Variants in SEM1 observed in about 807,000 individuals in gnomAD.
SEM1 encodes the protein SEM1 26S proteasome subunit.
SEM1 carries 3 observed loss-of-function variants against 12.7 expected under a neutral mutation model. That is an observed-to-expected ratio of 0.24 (90% CI 0.11 to 0.61). SEM1 has a LOEUF of 0.61. SEM1 is among the 20% of genes least tolerant of loss of function. The pLI is 0.88. For synonymous variants in SEM1, 30 were observed against 27.8 expected (o/e 1.08, Z -0.25); for missense variants, 59 against 81.3 (o/e 0.73, Z 1.06).
At chr7:96,650,451 C>G in intron 2 of SEM1, 1 of 743,046 alleles carries the variant, frequency 1.3e-6, no homozygotes, top group East Asian at 2.5e-5. Context: ...CTTCATCTGA[C>G]TTGATGGTAC....
At chr7:96,693,395 T>C (rs934593913) in intron 2 of SEM1, among the ~76,000 whole-genome samples, 21 of 152,122 alleles carry the variant, frequency 1.4e-4, no homozygotes, top group Admixed American at 1.3e-3. Context: ...AAGAATGAGC[T>C]GAAGCCCTAT....
At chr7:96,616,563 T>C (rs1807728496) in intron 2 of SEM1, among the ~76,000 whole-genome samples, 1 of 152,156 alleles carries the variant, frequency 6.6e-6, no homozygotes, top group Non-Finnish European at 1.5e-5. Flanking sequence ...TTAAGTCCTG[T>C]TTGTCTATTT....
rs550248491 is a variant in SEM1, at chr7:96,622,889, T to A, written c.171-246A>T. 9 of 475,148 alleles carry A rather than the reference T, an allele frequency of 1.9e-5. No homozygotes were observed. The South Asian group carries it at 2.2e-4, about 12-fold the overall frequency. 29.4% of individuals were successfully genotyped at this position (475,148 alleles called of 1,614,324 possible). On this transcript the variant is annotated intron_variant, in intron 2 of 2. Coordinates refer to the SEM1 transcript ENST00000417009. ...TAGCCACAGTGAGCTCTGCATGGAA[T>A]ACAAATGCTTTGGGGTCAGTGCCAG...
At chr7:96,543,776 C>A (rs1252641605) in intron 2 of SEM1, among the ~76,000 whole-genome samples, 1 of 151,904 alleles carries the variant, frequency 6.6e-6, no homozygotes, top group African/African-American at 2.4e-5. Flanking sequence ...TGATTGGAAA[C>A]AGAATATAAT....
chr7:96,564,819 T>C (rs956521700), intron 2 of SEM1, among the ~76,000 whole-genome samples: 3 of 152,074 alleles, frequency 2.0e-5, no homozygotes, highest in Admixed American at 6.6e-5. Flanking sequence ...ACAGAAAATA[T>C]TGATAGAAAA....
chr7:96,642,303 A>G (rs1295331721), intron 2 of SEM1, among the ~76,000 whole-genome samples: 1 of 152,114 alleles, frequency 6.6e-6, no homozygotes, highest in Non-Finnish European at 1.5e-5. Context: ...TATTCTACCT[A>G]GAGTTTATAG....
At chr7:96,659,913 C>CAAAAAAAAAAAAAAAAAAAAAAAAAA (rs71529826) in intron 2 of SEM1, among the ~76,000 whole-genome samples, 4 of 66,724 alleles carry the variant, frequency 6.0e-5, no homozygotes, top group Non-Finnish European at 8.9e-5. Context: ...AGTAAGATGG[C>CAAAAAAAAAAAAAAAAAAAAAAAAAA]AAAAAAAAAA....
At chr7:96,599,339 A>C (rs1196931429) in intron 2 of SEM1, among the ~76,000 whole-genome samples, 1 of 152,294 alleles carries the variant, frequency 6.6e-6, no homozygotes, top group Non-Finnish European at 1.5e-5. Context: ...ACTAGTAAAA[A>C]CCAAACCAAA....
intron 2 of SEM1, among the ~76,000 whole-genome samples, chr7:96,555,446 T>G (rs2115873434): frequency 6.9e-6 from 1 of 144,730 alleles, no homozygotes; most frequent in South Asian, 2.4e-4. Flanking sequence ...TTTCGTTATG[T>G]ACCCAGTAGT....
At chr7:96,647,197 T>C (rs1387883715) in intron 2 of SEM1, among the ~76,000 whole-genome samples, 3 of 152,200 alleles carry the variant, frequency 2.0e-5, no homozygotes, top group African/African-American at 7.2e-5. Context: ...TAGCACTGCA[T>C]GCTCTCTTTA....
At chr7:96,655,476 G>A (rs979645742) in intron 2 of SEM1, among the ~76,000 whole-genome samples, 1 of 148,710 alleles carries the variant, frequency 6.7e-6, no homozygotes, top group Non-Finnish European at 1.5e-5. Flanking sequence ...TAGTAGAGAC[G>A]GGATTTTACC....
intron 2 of SEM1, among the ~76,000 whole-genome samples, chr7:96,624,293 T>C (rs1009334282): frequency 2.0e-5 from 3 of 152,200 alleles, no homozygotes; most frequent in African/African-American, 7.2e-5. Context: ...GTGGTAGATA[T>C]ATGGGAGTAC....
At chr7:96,486,545 T>C (rs946487636) in intron 1 of SEM1, 5 of 720,030 alleles carry the variant, frequency 6.9e-6, no homozygotes, top group African/African-American at 3.6e-5. Context: ...TTGAGTGAGG[T>C]GGGGAAACCA....
rs1802657774 is a variant in SEM1 at position 96,484,097 on chromosome 7, C to T, written c.258-109G>A. On this transcript the variant is annotated intron_variant, in intron 3 of 3. Transcript: ENST00000356686. ...AACCCTATAGGGTAGATCCAATCAT[C>T]CCCATTTTAGAGATGAGAAAACTGA... 2.8e-6 allele frequency: 3 copies of T among 1,061,676 alleles called. No individual in the cohort carries two copies. The South Asian group carries it at 5.4e-5, about 19-fold the overall frequency. 65.8% of individuals were successfully genotyped at this position (1,061,676 alleles called of 1,614,324 possible).
chr7:96,613,794 A>C (rs1194856821), intron 2 of SEM1, among the ~76,000 whole-genome samples: 1 of 152,214 alleles, frequency 6.6e-6, no homozygotes, highest in Non-Finnish European at 1.5e-5. Context: ...GATGTCATAC[A>C]CTATTTGTCT....
At chr7:96,601,595 A>T (rs1182886201) in intron 2 of SEM1, among the ~76,000 whole-genome samples, 2 of 152,148 alleles carry the variant, frequency 1.3e-5, no homozygotes, top group African/African-American at 4.8e-5. Context: ...GGTAGTAAAA[A>T]GTCAGGTGAG....
intron 2 of SEM1, among the ~76,000 whole-genome samples, chr7:96,638,410 T>C (rs1808494084): frequency 6.6e-6 from 1 of 152,044 alleles, no homozygotes. Flanking sequence ...TGATCTACCA[T>C]ATTTTTCTCT....
intron 3 of SEM1, among the ~76,000 whole-genome samples, chr7:96,502,715 C>A (rs1554407274): frequency 6.6e-6 from 1 of 152,156 alleles, no homozygotes; most frequent in Non-Finnish European, 1.5e-5. Context: ...AGAAAAATTT[C>A]TCTAGCCAAC....
intron 2 of SEM1, among the ~76,000 whole-genome samples, chr7:96,638,525 A>G (rs1487412163): frequency 1.3e-5 from 2 of 152,006 alleles, no homozygotes; most frequent in Non-Finnish European, 2.9e-5. Context: ...CAGTGAAGGG[A>G]CATAGAATCA....
Sources: allele counts gnomAD v4.1 joint callset (sites outside exome capture counted in the v4.1 genomes callset), GRCh38; gene constraint gnomAD v4.1.1; transcripts MANE v1.5; gene names NCBI Gene and HGNC (gene_info 2026-07-23, HGNC 2026-07-21).